Variants in TMEM220 observed in about 807,000 individuals in gnomAD.
The protein encoded by TMEM220 is transmembrane protein 220.
In TMEM220, 21 loss-of-function variants were observed where a neutral mutation model predicts 21.7. The ratio of observed to expected loss-of-function variants is 0.97; its 90% CI spans 0.69 to 1.39. The LOEUF is 1.39. Ranked by LOEUF, TMEM220 falls within the 40% of genes most tolerant of loss-of-function variation. TMEM220 has a pLI of 0.00. For synonymous variants in TMEM220, 80 were observed against 73.6 expected (o/e 1.09, Z -0.45); for missense variants, 191 against 201.9 (o/e 0.95, Z 0.33).
intron 2 of TMEM220, among the ~76,000 whole-genome samples, chr17:10,727,094 C>A (rs187166483): frequency 6.6e-6 from 1 of 152,236 alleles, no homozygotes; most frequent in African/African-American, 2.4e-5. Context: ...GGGGTCTATT[C>A]CTCCTATTAT....
chr17:10,719,503 G>C (rs1239730626), intron 5 of TMEM220, among the ~76,000 whole-genome samples: 6 of 152,152 alleles, frequency 3.9e-5, no homozygotes, highest in Admixed American at 6.6e-5. Flanking sequence ...CTGGACTTGT[G>C]ATCTGCCCGC....
chr17:10,722,527 T>A (rs1336389207), intron 5 of TMEM220, among the ~76,000 whole-genome samples: 2 of 152,222 alleles, frequency 1.3e-5, no homozygotes, highest in African/African-American at 4.8e-5. Context: ...AATCCTTGAC[T>A]TATCAAAGTT....
intron 1 of TMEM220, 46 bp from the exon 2 acceptor site, chr17:10,729,106 T>C (rs1410624468): frequency 6.2e-7 from 1 of 1,609,842 alleles, no homozygotes; most frequent in Non-Finnish European, 8.5e-7. Flanking sequence ...CCTGTGCTGT[T>C]CCATTCCTTT....
rs558984342 is a variant in TMEM220 at position 10,714,788 on chromosome 17, G to A, written c.*665C>T. The A allele has an allele frequency of 1.3e-5, 2 of 152,424 alleles. No individual in the cohort carries two copies. The highest frequency in any genetic ancestry group is 2.1e-4 in the South Asian group (1 of 4,814). The allele number at this position is 152,424 out of a possible 1,614,324, so 9.4% of individuals were successfully genotyped here. On this transcript the variant is annotated 3_prime_UTR_variant, in exon 6 of 6. Transcript: ENST00000341871. ...TAAAAAAATTTAGCCGGGCATGGTGGTGCACACTTGTAGTCGTAGCTTCTT... is the reference window on the plus strand; with the variant it reads ...TAAAAAAATTTAGCCGGGCATGGTGATGCACACTTGTAGTCGTAGCTTCTT...
At chr17:10,719,886 C>T (rs372073524) in intron 5 of TMEM220, among the ~76,000 whole-genome samples, 1 of 152,144 alleles carries the variant, frequency 6.6e-6, no homozygotes, top group Non-Finnish European at 1.5e-5. Context: ...ACCTTAGAAT[C>T]AGGTTAAACC....
At chr17:10,729,743 AGCCGGGCGGGTC>A in intron 1 of TMEM220, 25 bp downstream of exon 1, 1 of 1,327,702 alleles carries the variant, frequency 7.5e-7, no homozygotes, top group Non-Finnish European at 9.7e-7. Flanking sequence ...CGGAGCTGGG[AGCCGGGCGGGTC>A]CCCCTCCCAC....
intron 2 of TMEM220, among the ~76,000 whole-genome samples, chr17:10,727,460 G>T (rs1156479465): frequency 1.3e-5 from 2 of 152,186 alleles, no homozygotes; most frequent in African/African-American, 4.8e-5. Context: ...ATTTTGGAGG[G>T]AAAGATGCTA....
intron 2 of TMEM220, among the ~76,000 whole-genome samples, chr17:10,726,859 T>C (rs1348518912): frequency 5.3e-5 from 8 of 152,250 alleles, no homozygotes; most frequent in Non-Finnish European, 2.9e-5. Flanking sequence ...GCCTTGTTCA[T>C]AACAAGCAGG....
intron 5 of TMEM220, among the ~76,000 whole-genome samples, chr17:10,719,799 A>G (rs1172773657): frequency 1.3e-5 from 2 of 152,240 alleles, no homozygotes; most frequent in African/African-American, 4.8e-5. Context: ...GCAAAGTTAA[A>G]GGAAAATAAC....
intron 2 of TMEM220, among the ~76,000 whole-genome samples, chr17:10,727,229 G>A (rs991621952): frequency 5.3e-5 from 8 of 152,180 alleles, no homozygotes; most frequent in East Asian, 1.9e-4. Context: ...GGCTGGCCTC[G>A]AACTCCTGGG....
chr17:10,719,265 C>T (rs201402623), intron 5 of TMEM220, among the ~76,000 whole-genome samples: 23 of 152,030 alleles, frequency 1.5e-4, no homozygotes, highest in African/African-American at 4.8e-4. Flanking sequence ...TTCTATCTAT[C>T]TATTTATTTA....
rs1460319564 is a variant in TMEM220 at position 10,729,920 on chromosome 17, G to A, written c.-69C>T. The A allele has an allele frequency of 6.1e-5, 76 of 1,249,804 alleles. No homozygotes were observed. The highest frequency in any genetic ancestry group is 7.2e-5 in the Non-Finnish European group (72 of 995,154). 77.4% of individuals were successfully genotyped at this position (1,249,804 alleles called of 1,614,324 possible). On this transcript the variant is annotated 5_prime_UTR_variant, in exon 1 of 6. Transcript: ENST00000341871. ...GGGGCGGTGAGTCCTGCCACGTACG[G>A]TCCGCCTTCCTCCTTGCGCGGAGGG...
chr17:10,722,330 G>A (rs430347), intron 5 of TMEM220, among the ~76,000 whole-genome samples: 78,001 of 152,006 alleles, frequency 0.51, 20,823 homozygotes, highest in African/African-American at 0.66. Flanking sequence ...CATACTTTGA[G>A]ATTCTTTGAC....
At chr17:10,728,348 G>A (rs1453213037) in intron 2 of TMEM220, among the ~76,000 whole-genome samples, 3 of 131,408 alleles carry the variant, frequency 2.3e-5, no homozygotes, top group Non-Finnish European at 4.6e-5. Context: ...TCACTCTGTC[G>A]CCCAGACTGG....
chr17:10,715,620 A>T (rs1675213060), intron 5 of TMEM220, 32 bp from the exon 6 acceptor site: 3 of 1,520,262 alleles, frequency 2.0e-6, no homozygotes, highest in Non-Finnish European at 2.6e-6. Context: ...TATAAATAAA[A>T]ATCATGGATT....
intron 2 of TMEM220, among the ~76,000 whole-genome samples, chr17:10,727,365 T>C (rs2075060492): frequency 6.6e-6 from 1 of 152,038 alleles, no homozygotes; most frequent in Admixed American, 6.6e-5. Flanking sequence ...AACAGAGAGA[T>C]GATAAAGATG....
chr17:10,726,820 G>A (rs1386594718), intron 2 of TMEM220, among the ~76,000 whole-genome samples: 1 of 152,216 alleles, frequency 6.6e-6, no homozygotes, highest in Non-Finnish European at 1.5e-5. Context: ...GAAATGAGAA[G>A]ACTAGCCCTA....
chr17:10,721,980 G>A (rs1346107901), intron 5 of TMEM220, among the ~76,000 whole-genome samples: 3 of 122,570 alleles, frequency 2.4e-5, no homozygotes, highest in African/African-American at 9.3e-5. Context: ...GCAGTGTAGA[G>A]CTGGGTTTTT....
Position 10,727,787 on chromosome 17 carries a change from G to A in TMEM220, c.102+1244C>T, listed in dbSNP as rs75004282. Among the ~76,000 whole-genome samples, 539 of 152,244 alleles carry A rather than the reference G, an allele frequency of 3.5e-3. 1 individual carries two copies. Among genetic ancestry groups the A allele is most frequent in the African/African-American group, 0.012 (505 of 41,528 alleles). On this transcript the variant is annotated intron_variant, in intron 2 of 5. Coordinates refer to ENST00000341871, the MANE Select transcript of TMEM220 (RefSeq NM_001004313.3). ...GTCAATATTATTCTAAAGCTTAAGA[G>A]TCATCTCCTTGGTGTACTGTACAGT...
Sources: gnomAD v4.1 joint callset for allele counts (sites outside exome capture counted in the v4.1 genomes callset) on GRCh38, gnomAD v4.1.1 for gene constraint, MANE v1.5 for transcripts, NCBI Gene and HGNC (gene_info 2026-07-23, HGNC 2026-07-21) for gene names.